The following DIP2C variants were observed in gnomAD, a reference collection of about 807,000 sequenced individuals.
DIP2C encodes DIP2 acetate--CoA ligase C (putative), also known as disco-interacting protein 2 homolog C.
DIP2C carries 33 observed loss-of-function variants against 192.4 expected under a neutral mutation model. The observed-to-expected ratio is 0.17, with a 90% CI of 0.13 to 0.23. The LOEUF is 0.23. Ranked by LOEUF, DIP2C falls within the 10% of genes least tolerant of loss-of-function variation. The pLI, the probability that DIP2C is intolerant of heterozygous loss-of-function variation, is 1.00. For synonymous variants in DIP2C, 979 were observed against 864.1 expected (o/e 1.13, Z -2.33); for missense variants, 1,537 against 2,110.1 (o/e 0.73, Z 5.32).
chr10:415,931 G>C, intron 6 of DIP2C, 43 bp from the exon 7 acceptor site: 1 of 1,611,970 alleles, frequency 6.2e-7, no homozygotes, highest in Non-Finnish European at 8.5e-7. Context: ...GATCATCACA[G>C]CTTCAATGAG....
At chr10:478,603 G>A (rs975229563) in intron 2 of DIP2C, among the ~76,000 whole-genome samples, 1 of 150,914 alleles carries the variant, frequency 6.6e-6, no homozygotes, top group South Asian at 2.1e-4. Flanking sequence ...GCGTGCTGGG[G>A]CTGCAGACAC....
chr10:417,635 C>CCCTGTCCGCCTGTGCCTGTCA (rs1965749194), intron 6 of DIP2C, among the ~76,000 whole-genome samples: 2 of 6,224 alleles, frequency 3.2e-4, no homozygotes, highest in Non-Finnish European at 1.0e-3. Context: ...TGTCAGGGCT[C>CCCTGTCCGCCTGTGCCTGTCA]GGATAGGCCT....
At chr10:298,253 G>T (rs1342076839) in intron 32 of DIP2C, among the ~76,000 whole-genome samples, 2 of 152,148 alleles carry the variant, frequency 1.3e-5, no homozygotes, top group African/African-American at 2.4e-5. Context: ...GTTTTGAGGG[G>T]ACTGGTGAGG....
chr10:396,833 G>C (rs1052393553), intron 10 of DIP2C, among the ~76,000 whole-genome samples: 83 of 64,590 alleles, frequency 1.3e-3, no homozygotes, highest in Non-Finnish European at 5.5e-4. Context: ...CGGTGGGGGG[G>C]GGGGAAACTG....
At chr10:600,424 C>T (rs1199464278) in intron 1 of DIP2C, among the ~76,000 whole-genome samples, 1 of 138,946 alleles carries the variant, frequency 7.2e-6, no homozygotes, top group East Asian at 2.7e-4. Context: ...GGGACGGCCA[C>T]GACAGCCCAG....
chr10:473,529 G>A (rs1230680338), intron 2 of DIP2C, among the ~76,000 whole-genome samples: 1 of 151,712 alleles, frequency 6.6e-6, no homozygotes, highest in Non-Finnish European at 1.5e-5. Flanking sequence ...GAACGGCTCT[G>A]ATACCACAGG....
At chr10:286,761 T>A (rs1017204475) in intron 33 of DIP2C, among the ~76,000 whole-genome samples, 3 of 152,218 alleles carry the variant, frequency 2.0e-5, no homozygotes, top group Non-Finnish European at 4.4e-5. Context: ...GATATTTACA[T>A]AGAGTCAATA....
At chr10:337,169 GTGCA>G (rs1285770420) in intron 29 of DIP2C, among the ~76,000 whole-genome samples, 12 of 140,222 alleles carry the variant, frequency 8.6e-5, no homozygotes, top group Admixed American at 2.9e-4. Flanking sequence ...AGGCTGATGT[GTGCA>G]TGCGTGTGGT....
intron 1 of DIP2C, among the ~76,000 whole-genome samples, chr10:619,506 C>G (rs976831126): frequency 7.1e-6 from 1 of 140,532 alleles, no homozygotes; most frequent in African/African-American, 2.8e-5. Context: ...GGAGCACAGG[C>G]TTTATGCCAG....
chr10:653,317 G>A (rs1387461968), intron 1 of DIP2C, among the ~76,000 whole-genome samples: 4 of 152,016 alleles, frequency 2.6e-5, no homozygotes, highest in Admixed American at 6.6e-5. Flanking sequence ...GCATGGTGGC[G>A]GGTGCCTGTA....
chr10:371,424 G>T (rs1451434271), intron 17 of DIP2C, among the ~76,000 whole-genome samples: 2 of 152,196 alleles, frequency 1.3e-5, no homozygotes, highest in Non-Finnish European at 2.9e-5. Flanking sequence ...CCGTAAGCCA[G>T]GGCCATCTTA....
chr10:393,826 GAAA>G (rs1203515501), intron 10 of DIP2C, among the ~76,000 whole-genome samples: 404 of 110,668 alleles, frequency 3.7e-3, no homozygotes, highest in East Asian at 0.015. Context: ...AAAGGAAAAG[GAAA>G]AAAAAAAAAA....
chr10:633,371 C>T (rs530983773), intron 1 of DIP2C, among the ~76,000 whole-genome samples: 188 of 152,240 alleles, frequency 1.2e-3, no homozygotes, highest in African/African-American at 4.2e-3. Context: ...ATAGAGCAGA[C>T]GGGGGGAGTC....
intron 1 of DIP2C, among the ~76,000 whole-genome samples, chr10:531,327 T>TCC (rs1490393151): frequency 6.6e-6 from 1 of 151,544 alleles, no homozygotes; most frequent in African/African-American, 2.4e-5. Flanking sequence ...GCGAACAAAC[T>TCC]CCCGTGTGTT....
chr10:517,550 G>T (rs970779245), intron 1 of DIP2C, among the ~76,000 whole-genome samples: 1 of 152,110 alleles, frequency 6.6e-6, no homozygotes, highest in African/African-American at 2.4e-5. Flanking sequence ...TCCTGCTGGC[G>T]GTGAAGGCAA....
chr10:372,529 T>C (rs1961089527), intron 17 of DIP2C, among the ~76,000 whole-genome samples: 2 of 152,266 alleles, frequency 1.3e-5, no homozygotes, highest in African/African-American at 4.8e-5. Context: ...TATGTTCATA[T>C]TAGCCACGTT....
At chr10:600,515 C>T (rs555002834) in intron 1 of DIP2C, among the ~76,000 whole-genome samples, 3 of 151,702 alleles carry the variant, frequency 2.0e-5, no homozygotes, top group Non-Finnish European at 4.4e-5. Context: ...TGCTCCGGAG[C>T]GACCCCACAA....
intron 28 of DIP2C, among the ~76,000 whole-genome samples, chr10:344,383 T>TGGGGCGGGGGC (rs1408023323): frequency 1.0e-4 from 1 of 10,034 alleles, no homozygotes; most frequent in Middle Eastern, 0.062. Flanking sequence ...TCCCCAAGGG[T>TGGGGCGGGGGC]GGGGCGGGGG....
At chr10:629,550 G>C (rs1854393143) in intron 1 of DIP2C, among the ~76,000 whole-genome samples, 1 of 152,242 alleles carries the variant, frequency 6.6e-6, no homozygotes, top group Admixed American at 6.5e-5. Context: ...CTCACTCTCA[G>C]AGTGGAGACC....
Sources: gnomAD v4.1 joint callset for allele counts (sites outside exome capture counted in the v4.1 genomes callset) on GRCh38, gnomAD v4.1.1 for gene constraint, MANE v1.5 for transcripts, NCBI Gene and HGNC (gene_info 2026-07-23, HGNC 2026-07-21) for gene names.